The following UBE2W variants were observed in gnomAD, a reference collection of about 807,000 sequenced individuals.
UBE2W encodes the protein ubiquitin conjugating enzyme E2 W, also known as ubiquitin-conjugating enzyme E2 W.
Under a neutral mutation model 27.2 loss-of-function variants are expected in UBE2W, and 18 were observed. That is an observed-to-expected ratio of 0.66 (90% CI 0.46 to 0.98). UBE2W has a LOEUF of 0.98. UBE2W is among the 50% of genes least tolerant of loss of function. The pLI is 0.00. For missense variants in UBE2W, 90 were observed against 180.2 expected (o/e 0.50, Z 2.87); for synonymous variants, 53 against 57.2 (o/e 0.93, Z 0.33).
intron 5 of UBE2W, chr8:73,796,522 C>CCTTT: frequency 2.2e-6 from 1 of 459,890 alleles, no homozygotes; most frequent in South Asian, 9.3e-5. Flanking sequence ...TTCTGTAGAA[C>CCTTT]GTGCTACCAA....
chr8:73,837,210 T>C (rs1309554330), intron 1 of UBE2W, among the ~76,000 whole-genome samples: 1 of 152,140 alleles, frequency 6.6e-6, no homozygotes, highest in African/African-American at 2.4e-5. Context: ...ATGGAAAAAG[T>C]GCATTTAAAA....
chr8:73,827,222 T>C (rs529881593), intron 2 of UBE2W, among the ~76,000 whole-genome samples: 18 of 150,918 alleles, frequency 1.2e-4, no homozygotes, highest in African/African-American at 4.1e-4. Context: ...GGTACTTTCT[T>C]TTTTTTTTGG....
At chr8:73,865,180 CAAAAA>C (rs11354153) in intron 1 of UBE2W, among the ~76,000 whole-genome samples, 6 of 32,856 alleles carry the variant, frequency 1.8e-4, no homozygotes, top group Non-Finnish European at 2.5e-4. Context: ...GTGCAAACGT[CAAAAA>C]AAAAAAAAAA....
At chr8:73,845,537 CT>C (rs1438166449) in intron 1 of UBE2W, among the ~76,000 whole-genome samples, 2 of 152,056 alleles carry the variant, frequency 1.3e-5, no homozygotes, top group Non-Finnish European at 2.9e-5. Context: ...TCACCACTCC[CT>C]AATCTCAAGT....
At chr8:73,866,287 AAAAATATATAT>A (rs1293376418) in intron 1 of UBE2W, among the ~76,000 whole-genome samples, 129 of 103,944 alleles carry the variant, frequency 1.2e-3, no homozygotes, top group African/African-American at 5.2e-3. Flanking sequence ...AAAAAAAAAA[AAAAATATATAT>A]ATATATATAT....
At chr8:73,795,673 G>T in intron 5 of UBE2W, 1 of 596,708 alleles carries the variant, frequency 1.7e-6, no homozygotes, top group Non-Finnish European at 2.1e-6. Context: ...GTAATTTCAA[G>T]GGGGAAACAG....
chr8:73,811,336 T>C (rs1297212545), intron 3 of UBE2W, among the ~76,000 whole-genome samples: 7 of 152,312 alleles, frequency 4.6e-5, no homozygotes, highest in African/African-American at 1.7e-4. Context: ...TGGTAATAAA[T>C]CTATTATTTC....
intron 3 of UBE2W, among the ~76,000 whole-genome samples, chr8:73,824,181 G>C (rs1035789933): frequency 6.6e-6 from 1 of 152,162 alleles, no homozygotes; most frequent in Non-Finnish European, 1.5e-5. Flanking sequence ...ATCTTACCAA[G>C]CCAGAAACCT....
chr8:73,816,166 T>C (rs370242684), intron 3 of UBE2W, among the ~76,000 whole-genome samples: 183 of 152,308 alleles, frequency 1.2e-3, no homozygotes, highest in African/African-American at 3.9e-3. Context: ...GACAAAATTA[T>C]TGGACACAAC....
At chr8:73,824,925 T>C (rs1809772223) in intron 3 of UBE2W, among the ~76,000 whole-genome samples, 1 of 152,214 alleles carries the variant, frequency 6.6e-6, no homozygotes, top group Non-Finnish European at 1.5e-5. Context: ...TTAGCATTTA[T>C]GGATAAGCAA....
chr8:73,787,058 TTTCC>T lies in UBE2W; in HGVS notation c.*7040_*7043del. On this transcript the variant is annotated 3_prime_UTR_variant, in exon 6 of 6. Coordinates refer to ENST00000602593, the MANE Select transcript of UBE2W (RefSeq NM_018299.6). ...ATATTTCCTACCTTAGTTGATAAAC[TTTCC>T]TTATTATTTCCATAATCCACTTAAC... 1 of 985,452 alleles carries T rather than the reference TTTCC, an allele frequency of 1.0e-6. No individual in the cohort carries two copies. The highest frequency in any genetic ancestry group is 1.2e-6 in the Non-Finnish European group (1 of 829,936). The allele number at this position is 985,452 out of a possible 1,614,324, so 61.0% of individuals were successfully genotyped here.
intron 3 of UBE2W, among the ~76,000 whole-genome samples, chr8:73,817,375 G>T (rs1342975138): frequency 2.0e-5 from 3 of 152,118 alleles, no homozygotes; most frequent in Non-Finnish European, 4.4e-5. Context: ...ATGTATTTCA[G>T]ATTTCTTTCA....
At chr8:73,781,274 A>T (rs1807837353), downstream of UBE2W, among the ~76,000 whole-genome samples, 1 of 105,204 alleles carries the variant, frequency 9.5e-6, no homozygotes. Flanking sequence ...AGTCTCAAAA[A>T]AAAAAAAAAA....
intron 1 of UBE2W, among the ~76,000 whole-genome samples, chr8:73,851,407 T>TA (rs1811072664): frequency 6.6e-6 from 1 of 152,076 alleles, no homozygotes; most frequent in Non-Finnish European, 1.5e-5. Context: ...AGTACAGAAT[T>TA]AGAGACTTTA....
chr8:73,855,568 AT>A (rs917287927), intron 1 of UBE2W, among the ~76,000 whole-genome samples: 11 of 151,170 alleles, frequency 7.3e-5, no homozygotes, highest in African/African-American at 2.7e-4. Context: ...CACCCAGCTA[AT>A]TTTTTTTGTA....
At chr8:73,866,081 T>C (rs1461179610) in intron 1 of UBE2W, among the ~76,000 whole-genome samples, 1 of 151,602 alleles carries the variant, frequency 6.6e-6, no homozygotes, top group Non-Finnish European at 1.5e-5. Context: ...ATCAAGACCA[T>C]CCTGGCCAAC....
At chr8:73,850,868 A>C (rs948355601) in intron 1 of UBE2W, among the ~76,000 whole-genome samples, 15 of 151,694 alleles carry the variant, frequency 9.9e-5, no homozygotes, top group African/African-American at 3.1e-4. Context: ...ATTTTTATTT[A>C]ACTTTTTTTG....
rs140485000 is a variant in UBE2W at position 73,832,986 on chromosome 8, G to A, written c.16-2514C>T. Among the ~76,000 whole-genome samples, 1,017 of 152,098 alleles carry A rather than the reference G, an allele frequency of 6.7e-3. 18 individuals carry two copies. Among genetic ancestry groups the A allele is most frequent in the African/African-American group, 0.023 (957 of 41,500 alleles). ...GGGAGGATCGCAATGTCAAGAGTTCGAGACCAGCCTGGCCGATATGGTGAA... is the reference window on the plus strand; with the variant it reads ...GGGAGGATCGCAATGTCAAGAGTTCAAGACCAGCCTGGCCGATATGGTGAA... On this transcript the variant is annotated intron_variant, in intron 1 of 5. Transcript: ENST00000602593.
At chr8:73,835,508 C>T (rs1002582881) in intron 1 of UBE2W, among the ~76,000 whole-genome samples, 3 of 152,114 alleles carry the variant, frequency 2.0e-5, no homozygotes, top group African/African-American at 4.8e-5. Flanking sequence ...TTTGGGAGGC[C>T]GAGGTGGGTG....
Sources: allele counts gnomAD v4.1 joint callset (sites outside exome capture counted in the v4.1 genomes callset), GRCh38; gene constraint gnomAD v4.1.1; transcripts MANE v1.5; gene names NCBI Gene and HGNC (gene_info 2026-07-23, HGNC 2026-07-21).